The following PSD3 variants were observed in gnomAD, a reference collection of about 807,000 sequenced individuals.
PSD3 encodes pleckstrin and Sec7 domain containing 3.
Under a neutral mutation model 105.5 loss-of-function variants are expected in PSD3, and 49 were observed. The ratio of observed to expected loss-of-function variants is 0.46; its 90% confidence interval spans 0.37 to 0.59. The LOEUF (loss-of-function observed/expected upper bound fraction) is 0.59, where lower values mean the gene tolerates loss of function less well. Among genes scored for constraint, PSD3 ranks in the 20% least tolerant of loss-of-function variants. The pLI, the probability that PSD3 is intolerant of heterozygous loss-of-function variation, is 0.00. For missense variants in PSD3, 1,561 were observed against 1,263.8 expected (o/e 1.24, Z -3.57); for synonymous variants, 557 against 457.8 (o/e 1.22, Z -2.77).
chr8:18,552,476 G>C (rs17126805), intron 15 of PSD3, among the ~76,000 whole-genome samples: 10,992 of 152,198 alleles, frequency 0.072, 921 homozygotes, highest in African/African-American at 0.19. Flanking sequence ...TTCTCTAATG[G>C]TGCTGTGTCT....
At chr8:18,977,488 T>C (rs971181851) in intron 1 of PSD3, among the ~76,000 whole-genome samples, 2 of 152,156 alleles carry the variant, frequency 1.3e-5, no homozygotes, top group African/African-American at 4.8e-5. Context: ...ATTTGCTTTA[T>C]TACTAATCAT....
chr8:18,823,773 AACACACTCAC>A (rs56096407), intron 4 of PSD3, among the ~76,000 whole-genome samples: 20,701 of 134,688 alleles, frequency 0.15, 1,722 homozygotes, highest in Admixed American at 0.29. Context: ...CTTTATCTTA[AACACACTCAC>A]ACACACACAC....
At chr8:18,899,637 A>G (rs1184162084) in intron 2 of PSD3, among the ~76,000 whole-genome samples, 2 of 152,070 alleles carry the variant, frequency 1.3e-5, no homozygotes, top group Non-Finnish European at 2.9e-5. Context: ...TTGAACTCAT[A>G]GAGTTCTGGG....
At chr8:18,680,492 C>T (rs1417185186) in intron 9 of PSD3, among the ~76,000 whole-genome samples, 1 of 152,178 alleles carries the variant, frequency 6.6e-6, no homozygotes, top group Non-Finnish European at 1.5e-5. Flanking sequence ...CAATAACAGA[C>T]ACCCAATGAA....
chr8:18,653,555 G>C lies in PSD3; in HGVS notation c.2216+2087C>G, dbSNP rs553824307. On this transcript the variant is annotated intron_variant, in intron 10 of 15. Coordinates refer to ENST00000327040, the MANE Select transcript of PSD3 (RefSeq NM_015310.4). The stretch of plus-strand genomic sequence containing the variant: ...ACAGGTTAACTTGGTCAGTGAACCA[G>C]CTACTACATGAAAAAGCTGTAATTC... Among the ~76,000 whole-genome samples, 207 of 152,230 alleles carry C rather than the reference G, an allele frequency of 1.4e-3. 1 individual carries two copies. The highest frequency in any genetic ancestry group is 4.8e-3 in the African/African-American group (199 of 41,548).
At chr8:18,917,607 C>T (rs1251937589) in intron 2 of PSD3, among the ~76,000 whole-genome samples, 2 of 152,184 alleles carry the variant, frequency 1.3e-5, no homozygotes, top group African/African-American at 2.4e-5. Context: ...CTTGAAGTCG[C>T]AGTTTCCAAG....
chr8:18,897,560 G>A (rs368683799), intron 2 of PSD3, among the ~76,000 whole-genome samples: 1 of 152,160 alleles, frequency 6.6e-6, no homozygotes, highest in African/African-American at 2.4e-5. Context: ...TACTTTGATA[G>A]GGAATGCACT....
intron 9 of PSD3, among the ~76,000 whole-genome samples, chr8:18,750,284 C>T (rs889283386): frequency 6.6e-6 from 1 of 151,902 alleles, no homozygotes; most frequent in African/African-American, 2.4e-5. Flanking sequence ...GGAGTTTGTT[C>T]CTTCTGATGT....
chr8:19,044,064 C>T (rs187828858), intron 1 of PSD3, among the ~76,000 whole-genome samples: 1 of 152,292 alleles, frequency 6.6e-6, no homozygotes, highest in East Asian at 1.9e-4. Flanking sequence ...GCCTCAGAGC[C>T]ACCCACCTCA....
At chr8:18,974,066 T>C (rs1480039859) in intron 1 of PSD3, among the ~76,000 whole-genome samples, 2 of 152,122 alleles carry the variant, frequency 1.3e-5, no homozygotes, top group Non-Finnish European at 2.9e-5. Flanking sequence ...AATAACTCCA[T>C]TTACCAATAG....
At chr8:18,741,276 T>C (rs1804552091) in intron 9 of PSD3, among the ~76,000 whole-genome samples, 2 of 152,124 alleles carry the variant, frequency 1.3e-5, no homozygotes, top group African/African-American at 4.8e-5. Context: ...GTCATCTCCA[T>C]TTTATGGTTA....
chr8:18,812,931 C>T (rs770895517), intron 4 of PSD3, among the ~76,000 whole-genome samples: 51 of 152,216 alleles, frequency 3.4e-4, no homozygotes, highest in Non-Finnish European at 5.3e-4. Context: ...AGAGGAACAA[C>T]AATCAGACTT....
At chr8:18,900,113 T>G (rs555685147) in intron 2 of PSD3, among the ~76,000 whole-genome samples, 1 of 152,314 alleles carries the variant, frequency 6.6e-6, no homozygotes, top group African/African-American at 2.4e-5. Context: ...TGTCTGCTGC[T>G]TCTCCTGTTA....
chr8:18,670,600 A>C lies in PSD3; in HGVS notation c.2173-14915T>G, dbSNP rs548652276. ...AGGTGGACCATTTTCACATACCTCA[A>C]GCACAAATAAAAAACTGGGTACAAC... is the stretch of plus-strand genomic sequence containing the variant. On this transcript the variant is annotated intron_variant, in intron 9 of 15. Coordinates refer to ENST00000327040, the MANE Select transcript of PSD3 (RefSeq NM_015310.4). 1.3e-3 allele frequency among the ~76,000 whole-genome samples: 196 copies of C among 152,306 alleles called. 2 individuals carry two copies. The highest frequency in any genetic ancestry group is 0.01 in the Middle Eastern group (3 of 294).
At chr8:18,598,693 T>C (rs1057149047) in intron 12 of PSD3, among the ~76,000 whole-genome samples, 2 of 152,102 alleles carry the variant, frequency 1.3e-5, no homozygotes, top group Non-Finnish European at 2.9e-5. Flanking sequence ...AATAAATAAA[T>C]TCAGCAAAGT....
chr8:18,609,263 G>A (rs1396243874), intron 11 of PSD3, among the ~76,000 whole-genome samples: 1 of 152,144 alleles, frequency 6.6e-6, no homozygotes, highest in Non-Finnish European at 1.5e-5. Flanking sequence ...CAAGAGTCTT[G>A]GCGTGAAGGC....
chr8:18,709,902 C>T (rs939824862), intron 9 of PSD3, among the ~76,000 whole-genome samples: 10 of 152,144 alleles, frequency 6.6e-5, no homozygotes, highest in Non-Finnish European at 1.3e-4. Flanking sequence ...AAAGAAAAAA[C>T]ACTGAAAATT....
intron 1 of PSD3, among the ~76,000 whole-genome samples, chr8:18,960,533 C>T (rs1196797532): frequency 6.6e-6 from 1 of 152,106 alleles, no homozygotes; most frequent in African/African-American, 2.4e-5. Context: ...TTAGGAAATG[C>T]GTAAATGTAC....
intron 2 of PSD3, among the ~76,000 whole-genome samples, chr8:18,913,777 G>C (rs1012476117): frequency 6.6e-6 from 1 of 151,630 alleles, no homozygotes; most frequent in Non-Finnish European, 1.5e-5. Context: ...GTACCAGGAT[G>C]GTCCCCACAA....
Sources: gnomAD v4.1 joint callset for allele counts (sites outside exome capture counted in the v4.1 genomes callset) on GRCh38, gnomAD v4.1.1 for gene constraint, MANE v1.5 for transcripts, NCBI Gene and HGNC (gene_info 2026-07-23, HGNC 2026-07-21) for gene names.